PIGM: variants seen among roughly 807,000 people sequenced by gnomAD.
PIGM encodes the protein phosphatidylinositol glycan anchor biosynthesis class M, also known as GPI alpha-1,4-mannosyltransferase I, catalytic subunit.
Under a neutral mutation model 14.6 loss-of-function variants are expected in PIGM, and 7 were observed. The ratio of observed to expected loss-of-function variants is 0.48; its 90% CI spans 0.27 to 0.90. PIGM has a LOEUF of 0.90. PIGM is among the 40% of genes least tolerant of loss of function. The probability of loss-of-function intolerance (pLI) is 0.12; values close to 1 mark genes in which losing one functional copy is unlikely to be tolerated. For synonymous variants in PIGM, 216 were observed against 215.9 expected, an observed-to-expected ratio of 1.00 and a Z score of 0.00; for missense variants, 506 against 516.2, an observed-to-expected ratio of 0.98 and a Z score of 0.19.
In PIGM at chr1:160,030,996, C is replaced by T; in HGVS notation, c.744G>A (p.Glu248=). The T allele has an allele frequency of 6.2e-7, 1 of 1,614,156 alleles. No individual in the cohort carries two copies. The highest frequency in any genetic ancestry group is 8.5e-7 in the Non-Finnish European group (1 of 1,180,028). Residue 248 remains glutamate, a synonymous_variant, in exon 1 of 1, where the codon GAG becomes GAA. Transcript: ENST00000368090. The stretch of plus-strand genomic sequence containing the variant: ...TGTGTTCCAAAAATTCCCAGCCGTA[C>T]TCATAGTAAAAACCAAAGCTCAGGG... ...FFALSFGFYY[E]YGWEFLEHTY... is the part of the protein sequence containing the mutation.
Position 160,025,814 on chromosome 1 carries a change from A to G in PIGM, c.*4654T>C, listed in dbSNP as rs1428399269. On this transcript the variant is annotated 3_prime_UTR_variant, in exon 1 of 1. Transcript: ENST00000368090. ...AAAGCATGGGTAAAAATCACTTATT[A>G]GCAAGTTGTTTAATCTTTGAGCCTC... 6.6e-6 allele frequency: 1 copy of G among 152,238 alleles called. No homozygotes were observed. Among genetic ancestry groups the G allele is most frequent in the Non-Finnish European group, 1.5e-5 (1 of 68,036 alleles). The allele number at this position is 152,238 out of a possible 1,614,324, so 9.4% of individuals were successfully genotyped here. A position where few individuals can be genotyped will look rare whatever the true frequency, so the allele number is the denominator to read the frequency against.
At position 160,030,453 on chromosome 1, in the gene PIGM, G is replaced by A. The variant is rs1648293045; in HGVS notation, c.*15C>T. 1 of 1,596,162 alleles carries A rather than the reference G, an allele frequency of 6.3e-7. No homozygotes were observed. The highest frequency in any genetic ancestry group is 8.6e-7 in the Non-Finnish European group (1 of 1,164,088). On this transcript the variant is annotated 3_prime_UTR_variant, in exon 1 of 1. Coordinates refer to ENST00000368090, the MANE Select transcript of PIGM (RefSeq NM_145167.3). ...ATCAGAATGTAACACAGTAGCAGAG[G>A]GTGTGGAACATACACTAGTCATATT...
At position 160,028,399 on chromosome 1, in the gene PIGM, G is replaced by C. The variant is rs1320919834; in HGVS notation, c.*2069C>G. The C allele has an allele frequency of 6.6e-6, 1 of 151,638 alleles. No individual in the cohort carries two copies. Among genetic ancestry groups the C allele is most frequent in the African/African-American group, 2.4e-5 (1 of 41,206 alleles). 9.4% of individuals were successfully genotyped at this position (151,638 alleles called of 1,614,324 possible). ...GGTCCTCAAGACAAGACCTAATATG[G>C]GTATGAAACTAAATGTTATAAGGAA... On this transcript the variant is annotated 3_prime_UTR_variant, in exon 1 of 1. Transcript: ENST00000368090.
Position 160,031,919 on chromosome 1 carries a change from C to T in PIGM, c.-180G>A. 6.1e-6 allele frequency: 5 copies of T among 824,092 alleles called. No homozygotes were observed. In the South Asian group the frequency reaches 7.4e-5, roughly 12 times the overall value. The allele number at this position is 824,092 out of a possible 1,614,324, so 51.0% of individuals were successfully genotyped here. ...CCCGCCCCCGTACTGCTACCTGTCT[C>T]CAGCCCCGCGCGGTCTTCTCAGCCG... On this transcript the variant is annotated 5_prime_UTR_variant, in exon 1 of 1. Coordinates refer to ENST00000368090, the MANE Select transcript of PIGM (RefSeq NM_145167.3).
chr1:160,026,375 A>C lies in PIGM; in HGVS notation c.*4093T>G, dbSNP rs904082661. On this transcript the variant is annotated 3_prime_UTR_variant, in exon 1 of 1. Transcript: ENST00000368090. ...AGCAGAATTATGGTTTTGTAAGAAA[A>C]TACCTGATTTTTAGGAGATGCATGC... The C allele has an allele frequency of 6.6e-6, 1 of 152,224 alleles. No individual in the cohort carries two copies. The highest frequency in any genetic ancestry group is 6.5e-5 in the Admixed American group (1 of 15,292). The allele number at this position is 152,224 out of a possible 1,614,324, so 9.4% of individuals were successfully genotyped here. A position where few individuals can be genotyped will look rare whatever the true frequency, so the allele number is the denominator to read the frequency against.
In PIGM at chr1:160,026,033, C is replaced by T. The variant is rs1648174835; in HGVS notation, c.*4435G>A. On this transcript the variant is annotated 3_prime_UTR_variant, in exon 1 of 1. Transcript: ENST00000368090. ...AGTTGGGGGTTGGATATTAAGATTC[C>T]AAACCTGTATAATCTTTTATCTGGA... is the stretch of plus-strand genomic sequence containing the variant. 1 of 152,024 alleles carries T rather than the reference C, an allele frequency of 6.6e-6. No homozygotes were observed. The highest frequency in any genetic ancestry group is 1.5e-5 in the Non-Finnish European group (1 of 67,998). The allele number at this position is 152,024 out of a possible 1,614,324, so 9.4% of individuals were successfully genotyped here.
chr1:160,031,070 TAC>T lies in PIGM; in HGVS notation c.668_669del (p.Cys223Ter). 2 of 1,614,192 alleles carry T rather than the reference TAC, an allele frequency of 1.2e-6. No homozygotes were observed. Among genetic ancestry groups the T allele is most frequent in the Non-Finnish European group, 1.7e-6 (2 of 1,180,026 alleles). ...ACLYELLKRL[C>X]NRAVLLFVAV... ...GCTACAAACAGCAGCACAGCCCGAT[TAC>T]ACAGCCTTTTCAGGAGCTCGTACAA... On this transcript the variant is annotated frameshift_variant, in exon 1 of 1. Transcript: ENST00000368090. LOFTEE classifies it high-confidence loss of function.
At position 160,031,202 on chromosome 1, in the gene PIGM, T is replaced by C. The variant is rs779628172; in HGVS notation, c.538A>G (p.Lys180Glu). Residue 180 changes from lysine (K) to glutamate (E), a missense_variant, in exon 1 of 1, where the codon AAG becomes GAG. Lys to Glu is a moderately conservative substitution (Grantham distance 56, BLOSUM62 1). Coordinates refer to ENST00000368090, the MANE Select transcript of PIGM (RefSeq NM_145167.3). ...AGGATGTAAGTCACTGGATATATCTTCATATGCACCGCGAAACCATAGAAT... is the reference window on the plus strand; with the variant it reads ...AGGATGTAAGTCACTGGATATATCTCCATATGCACCGCGAAACCATAGAAT... ...AVFYGFAVHMKIYPVTYILPI... is the reference protein window; with the variant it reads ...AVFYGFAVHMEIYPVTYILPI... 3.7e-6 allele frequency: 6 copies of C among 1,614,094 alleles called. No individual in the cohort carries two copies. The Admixed American group carries it at 1.0e-4, about 27-fold the overall frequency.
chr1:160,025,392 C>A lies in PIGM; in HGVS notation c.*5076G>T, dbSNP rs1436528573. On this transcript the variant is annotated 3_prime_UTR_variant, in exon 1 of 1. Coordinates refer to ENST00000368090, the MANE Select transcript of PIGM (RefSeq NM_145167.3). ...ACACTGCAGAGCAACAGCAATTGAA[C>A]AATGATCATTTGCCTTTTGGAAATT... The A allele has an allele frequency of 6.6e-6, 1 of 152,194 alleles. No individual in the cohort carries two copies. Among genetic ancestry groups the A allele is most frequent in the African/African-American group, 2.4e-5 (1 of 41,458 alleles). 9.4% of individuals were successfully genotyped at this position (152,194 alleles called of 1,614,324 possible). A position where few individuals can be genotyped will look rare whatever the true frequency, so the allele number is the denominator to read the frequency against.
rs779204872 is a variant in PIGM, at chr1:160,026,729, G to A, written c.*3739C>T. 6.6e-6 allele frequency: 1 copy of A among 152,212 alleles called. No individual in the cohort carries two copies. Among genetic ancestry groups the A allele is most frequent in the Non-Finnish European group, 1.5e-5 (1 of 68,050 alleles). 9.4% of individuals were successfully genotyped at this position (152,212 alleles called of 1,614,324 possible). ...TGTGGTCCCAGCTACTTGGGAGGCT[G>A]AGGAGGAAGGATCACTTGAGCCTGG... is the stretch of plus-strand genomic sequence containing the variant. On this transcript the variant is annotated 3_prime_UTR_variant, in exon 1 of 1. Coordinates refer to ENST00000368090, the MANE Select transcript of PIGM (RefSeq NM_145167.3).
rs189055058 is a variant in PIGM, at chr1:160,025,181, T to C, written c.*5287A>G. On this transcript the variant is annotated 3_prime_UTR_variant, in exon 1 of 1. Coordinates refer to ENST00000368090, the MANE Select transcript of PIGM (RefSeq NM_145167.3). ...TGCCAGCATGCACACTTTGAGCATATCAACTCACTTAATCCTTACCAACAA... is the reference window on the plus strand; with the variant it reads ...TGCCAGCATGCACACTTTGAGCATACCAACTCACTTAATCCTTACCAACAA... 2.1e-4 allele frequency: 32 copies of C among 152,348 alleles called. No individual in the cohort carries two copies. The highest frequency in any genetic ancestry group is 6.7e-4 in the African/African-American group (28 of 41,578). The allele number at this position is 152,348 out of a possible 1,614,324, so 9.4% of individuals were successfully genotyped here. A position where few individuals can be genotyped will look rare whatever the true frequency, so the allele number is the denominator to read the frequency against.
rs373272548 is a variant in PIGM, at chr1:160,030,644, T to C, written c.1096A>G (p.Ile366Val). The C allele has an allele frequency of 2.5e-6, 4 of 1,614,072 alleles. No homozygotes were observed. Among genetic ancestry groups the C allele is most frequent in the Non-Finnish European group, 2.5e-6 (3 of 1,180,034 alleles). ...RAVVLLMLWF[I>V]GQAMWLAPAY... ...GGAGCCAGCCACATGGCCTGCCCTA[T>C]AAACCATAACATTAGGAGAACTACA... The change falls in exon 1 of 1, where the codon ATA (isoleucine) becomes GTA (valine). Residue 366 changes from isoleucine (I) to valine (V), a missense_variant. Ile to Val is a conservative substitution (Grantham distance 29, BLOSUM62 3). Transcript: ENST00000368090.
In PIGM at chr1:160,030,650, A is replaced by G. The variant is rs376650850; in HGVS notation, c.1090T>C (p.Trp364Arg). ...AGCCACATGGCCTGCCCTATAAACC[A>G]TAACATTAGGAGAACTACAGCTCTT... is the stretch of plus-strand genomic sequence containing the variant. Reference protein sequence around the residue: ...WKRAVVLLMLWFIGQAMWLAP... With the variant: ...WKRAVVLLMLRFIGQAMWLAP... The change falls in exon 1 of 1, where the codon TGG becomes CGG. Residue 364 changes from tryptophan to arginine, a missense_variant. Physicochemically the swap from Trp to Arg is moderately radical, Grantham distance 101 (BLOSUM62 -3). Transcript: ENST00000368090. 91 of 1,614,108 alleles carry G rather than the reference A, an allele frequency of 5.6e-5. No homozygotes were observed. The highest frequency in any genetic ancestry group is 6.9e-5 in the Non-Finnish European group (81 of 1,180,038).
Position 160,031,019 on chromosome 1 carries a change from G to C in PIGM, c.721C>G (p.Leu241Val). The C allele has an allele frequency of 1.9e-6, 3 of 1,614,092 alleles. No individual in the cohort carries two copies. The highest frequency in any genetic ancestry group is 2.7e-5 in the African/African-American group (2 of 74,986). ...TACTCATAGTAAAAACCAAAGCTCA[G>C]GGCAAAAAACGTGAGTCCAGCAACT... ...VAVAGLTFFA[L>V]SFGFYYEYGW... Residue 241 changes from leucine to valine, a missense_variant, in exon 1 of 1, where the codon CTG becomes GTG. By Grantham distance (32) the Leu-to-Val change is conservative (BLOSUM62 1). Transcript: ENST00000368090.
At position 160,026,209 on chromosome 1, in the gene PIGM, T is replaced by A. The variant is rs2101917427; in HGVS notation, c.*4259A>T. On this transcript the variant is annotated 3_prime_UTR_variant, in exon 1 of 1. Coordinates refer to ENST00000368090, the MANE Select transcript of PIGM (RefSeq NM_145167.3). ...TTTGTTTTTAAGACTAGGAAAAGAT[T>A]CAAACTTCTTAATTATGGATTATCC... The A allele has an allele frequency of 6.6e-6, 1 of 152,202 alleles. No homozygotes were observed. Among genetic ancestry groups the A allele is most frequent in the East Asian group, 1.9e-4 (1 of 5,206 alleles). 9.4% of individuals were successfully genotyped at this position (152,202 alleles called of 1,614,324 possible).
In PIGM at chr1:160,025,436, T is replaced by C. The variant is rs1182831530; in HGVS notation, c.*5032A>G. 2 of 152,276 alleles carry C rather than the reference T, an allele frequency of 1.3e-5. No homozygotes were observed. Among genetic ancestry groups the C allele is most frequent in the African/African-American group, 4.8e-5 (2 of 41,470 alleles). 9.4% of individuals were successfully genotyped at this position (152,276 alleles called of 1,614,324 possible). Reference sequence around the variant, plus strand: ...GGAAATTATGGCCACATACTTTGTGTAGCTTGATTTACAAATAGCTTGGCT... The same window carrying C: ...GGAAATTATGGCCACATACTTTGTGCAGCTTGATTTACAAATAGCTTGGCT... On this transcript the variant is annotated 3_prime_UTR_variant, in exon 1 of 1. Transcript: ENST00000368090.
In PIGM at chr1:160,031,603, C is replaced by T. The variant is rs759956537; in HGVS notation, c.137G>A (p.Arg46Lys). ...GACCTGGTAGTCGATGTCCGTATACCTCACGTGCAGGGTCCGGTCCTGGAA... is the reference window on the plus strand; with the variant it reads ...GACCTGGTAGTCGATGTCCGTATACTTCACGTGCAGGGTCCGGTCCTGGAA... ...GVFQDRTLHV[R>K]YTDIDYQVFT... is the part of the protein sequence containing the mutation. Residue 46 changes from arginine to lysine, a missense_variant, in exon 1 of 1, where the codon AGG becomes AAG. Coordinates refer to ENST00000368090, the MANE Select transcript of PIGM (RefSeq NM_145167.3). The T allele has an allele frequency of 1.4e-5, 22 of 1,614,020 alleles. No individual in the cohort carries two copies. In the Admixed American group the frequency reaches 2.2e-4, roughly 16 times the overall value.
Position 160,031,255 on chromosome 1 carries a change from T to G in PIGM, c.485A>C (p.Lys162Thr), listed in dbSNP as rs1410302002. 1 of 1,614,164 alleles carries G rather than the reference T, an allele frequency of 6.2e-7. No homozygotes were observed. The highest frequency in any genetic ancestry group is 8.5e-7 in the Non-Finnish European group (1 of 1,180,034). ...AGCTGCACACGCGACGAGTCTTTTC[T>G]TTATCAAGTAGAGGACCATCAGGAC... ...SLVLMVLYLI[K>T]KRLVACAAVF... is the part of the protein sequence containing the mutation. Residue 162 changes from lysine to threonine, a missense_variant, in exon 1 of 1, where the codon AAG (lysine) becomes ACG (threonine). Transcript: ENST00000368090.
Position 160,028,390 on chromosome 1 carries a change from C to A in PIGM, c.*2078G>T, listed in dbSNP as rs147585816. On this transcript the variant is annotated 3_prime_UTR_variant, in exon 1 of 1. Coordinates refer to ENST00000368090, the MANE Select transcript of PIGM (RefSeq NM_145167.3). Reference sequence around the variant, plus strand: ...CATATAAAGGGTCCTCAAGACAAGACCTAATATGGGTATGAAACTAAATGT... The same window carrying A: ...CATATAAAGGGTCCTCAAGACAAGAACTAATATGGGTATGAAACTAAATGT... The A allele has an allele frequency of 6.6e-6, 1 of 151,870 alleles. No homozygotes were observed. The highest frequency in any genetic ancestry group is 1.5e-5 in the Non-Finnish European group (1 of 67,996). 9.4% of individuals were successfully genotyped at this position (151,870 alleles called of 1,614,324 possible).
Sources: allele counts gnomAD v4.1 joint callset, GRCh38; gene constraint gnomAD v4.1.1; transcripts MANE v1.5; gene names NCBI Gene and HGNC (gene_info 2026-07-23, HGNC 2026-07-21).